TXNDC11: variants seen among roughly 807,000 people sequenced by gnomAD.
TXNDC11 encodes thioredoxin domain containing 11.
In TXNDC11, 68 loss-of-function variants were observed where a neutral mutation model predicts 78.0. That is an observed-to-expected ratio of 0.87 (90% CI 0.72 to 1.07). The LOEUF (loss-of-function observed/expected upper bound fraction) is 1.07, where lower values mean the gene tolerates loss of function less well. TXNDC11 is among the 50% of genes least tolerant of loss of function. The pLI, the probability that TXNDC11 is intolerant of heterozygous loss-of-function variation, is 0.00. For synonymous variants in TXNDC11, 571 were observed against 495.2 expected (o/e 1.15, Z -2.03); for missense variants, 1,389 against 1,221.8 (o/e 1.14, Z -2.04).
intron 5 of TXNDC11, among the ~76,000 whole-genome samples, chr16:11,718,058 C>G (rs1212166886): frequency 2.6e-5 from 4 of 152,078 alleles, no homozygotes; most frequent in Non-Finnish European, 4.4e-5. Flanking sequence ...TGACAAGTTG[C>G]GTTAAGTGGG....
chr16:11,727,687 C>T lies in TXNDC11; in HGVS notation c.699+2958G>A, dbSNP rs1288360633. Among the ~76,000 whole-genome samples the T allele has an allele frequency of 3.1e-5, 4 of 129,872 alleles. No homozygotes were observed. The South Asian group carries it at 8.1e-4, about 26-fold the overall frequency. 85.2% of individuals were successfully genotyped at this position (129,872 alleles called of 152,430 possible). ...GCCCCCCCCACCCCACCATAACCTT[C>T]CACCATTCTCTAGTCAAGGCACTGT... On this transcript the variant is annotated intron_variant, in intron 4 of 11. Coordinates refer to ENST00000283033, the MANE Select transcript of TXNDC11 (RefSeq NM_015914.7).
chr16:11,728,170 G>T (rs1170462115), intron 4 of TXNDC11, among the ~76,000 whole-genome samples: 1 of 152,168 alleles, frequency 6.6e-6, no homozygotes, highest in Non-Finnish European at 1.5e-5. Flanking sequence ...AACCATGACA[G>T]TGGTTTCATT....
At chr16:11,704,483 T>C (rs936553684) in intron 5 of TXNDC11, among the ~76,000 whole-genome samples, 2 of 152,168 alleles carry the variant, frequency 1.3e-5, no homozygotes, top group South Asian at 2.1e-4. Context: ...AAGGAAGAGA[T>C]AGTAACTTTT....
intron 5 of TXNDC11, among the ~76,000 whole-genome samples, chr16:11,700,812 A>G (rs2050992461): frequency 6.6e-6 from 1 of 152,204 alleles, no homozygotes; most frequent in Non-Finnish European, 1.5e-5. Flanking sequence ...TGTGCTGAGG[A>G]GTCCCCTGTG....
chr16:11,699,584 G>T (rs1186841723), intron 6 of TXNDC11, among the ~76,000 whole-genome samples: 2 of 152,256 alleles, frequency 1.3e-5, no homozygotes, highest in Non-Finnish European at 2.9e-5. Context: ...TAAACTGCAA[G>T]AAGTAAAGCA....
chr16:11,699,082 A>G (rs1235355163), intron 6 of TXNDC11, among the ~76,000 whole-genome samples: 1 of 152,242 alleles, frequency 6.6e-6, no homozygotes, highest in Non-Finnish European at 1.5e-5. Context: ...CTGAAAAATG[A>G]GATATTTAAA....
chr16:11,730,782 C>CA lies in TXNDC11; in HGVS notation c.570-9dup. 6.5e-7 allele frequency: 1 copy of CA among 1,527,014 alleles called. No homozygotes were observed. The highest frequency in any genetic ancestry group is 8.8e-7 in the Non-Finnish European group (1 of 1,134,954). 94.6% of individuals were successfully genotyped at this position (1,527,014 alleles called of 1,614,324 possible). ...TATTCGATTGGTCCAAAACTAGTACCAAAAAATAAAAATAAAAATAAAAAT... is the reference window on the plus strand; with the variant it reads ...TATTCGATTGGTCCAAAACTAGTACCAAAAAAATAAAAATAAAAATAAAAAT... On this transcript the variant is annotated splice_polypyrimidine_tract_variant and intron_variant, in intron 3 of 11. Coordinates refer to ENST00000283033, the MANE Select transcript of TXNDC11 (RefSeq NM_015914.7).
chr16:11,730,584 A>G, intron 4 of TXNDC11, 61 bp downstream of exon 4: 1 of 1,543,566 alleles, frequency 6.5e-7, no homozygotes, highest in Non-Finnish European at 8.8e-7. Flanking sequence ...TAAAACAAAC[A>G]ATCCAATACA....
Position 11,691,385 on chromosome 16 carries a change from G to C in TXNDC11, c.1805C>G (p.Ser602Cys). The part of the protein sequence containing the change: ...LYAERLGAPS[S>C]TQVKEFAAIV... Reference sequence around the variant, plus strand: ...TGCCGCAAATTCTTTCACCTGAGTGGAGCTCGGAGCACCCAGTCTCTCTGC... The same window carrying C: ...TGCCGCAAATTCTTTCACCTGAGTGCAGCTCGGAGCACCCAGTCTCTCTGC... Residue 602 changes from serine (S) to cysteine (C), a missense_variant, in exon 8 of 12, where the codon TCC (serine) becomes TGC (cysteine). Transcript: ENST00000283033. The C allele has an allele frequency of 1.2e-6, 2 of 1,614,160 alleles. No homozygotes were observed. The highest frequency in any genetic ancestry group is 3.3e-5 in the Admixed American group (2 of 60,028).
chr16:11,734,150 A>G (rs1454303122), intron 2 of TXNDC11, 71 bp from the exon 3 acceptor site: 13 of 1,025,218 alleles, frequency 1.3e-5, no homozygotes, highest in Admixed American at 2.5e-5. Flanking sequence ...TTAAAAGATG[A>G]AATTTAAAAA....
chr16:11,709,283 G>C (rs893330734), intron 5 of TXNDC11, among the ~76,000 whole-genome samples: 2 of 126,884 alleles, frequency 1.6e-5, no homozygotes, highest in Admixed American at 7.9e-5. Context: ...ACAGAGTCTC[G>C]CACTGTCGCC....
At chr16:11,690,322 G>C (rs770350262) in intron 8 of TXNDC11, among the ~76,000 whole-genome samples, 6 of 152,242 alleles carry the variant, frequency 3.9e-5, no homozygotes, top group Non-Finnish European at 8.8e-5. Context: ...AGCTCTGGGT[G>C]CTTTCTCATC....
At chr16:11,702,092 G>GTGTATA (rs150869552) in intron 5 of TXNDC11, among the ~76,000 whole-genome samples, 12 of 144,336 alleles carry the variant, frequency 8.3e-5, no homozygotes, top group African/African-American at 2.8e-4. Context: ...GTATGTATGT[G>GTGTATA]TATATATATA....
chr16:11,685,161 C>T (rs1255163007), intron 10 of TXNDC11, among the ~76,000 whole-genome samples: 4 of 152,224 alleles, frequency 2.6e-5, no homozygotes, highest in East Asian at 3.9e-4. Flanking sequence ...CCCAGGAGTT[C>T]GAGACTAGCC....
At chr16:11,741,428 C>A (rs1367360932) in intron 1 of TXNDC11, among the ~76,000 whole-genome samples, 4 of 152,192 alleles carry the variant, frequency 2.6e-5, no homozygotes, top group Admixed American at 2.6e-4. Flanking sequence ...TACACCCCAG[C>A]CTACTGTCAG....
rs143593061 is a variant in TXNDC11 at position 11,692,254 on chromosome 16, G to C, written c.1108-172C>G. ...AGTCGTAAGTTTTAAACTACATGTC[G>C]CTCTGAGTAGTGTGATGAAATTTTT... On this transcript the variant is annotated intron_variant, in intron 7 of 11. Coordinates refer to ENST00000283033, the MANE Select transcript of TXNDC11 (RefSeq NM_015914.7). The C allele has an allele frequency of 6.1e-4, 363 of 597,174 alleles. 3 individuals carry two copies. Among genetic ancestry groups the C allele is most frequent in the Non-Finnish European group, 1.4e-4 (49 of 348,398 alleles). The allele number at this position is 597,174 out of a possible 1,614,324, so 37.0% of individuals were successfully genotyped here.
At position 11,730,684 on chromosome 16, in the gene TXNDC11, T is replaced by C. The variant is rs765758441; in HGVS notation, c.660A>G (p.Pro220=). The stretch of plus-strand genomic sequence containing the variant: ...GAAAATCTAGTAATTCTGATTGAGA[T>C]GGGATGTAGAGAAGTGGTTTCATCA... ...RRVMKPLLYI[P]SQSELLDFLS... Residue 220 remains proline (P), a synonymous_variant, in exon 4 of 12, where the codon CCA becomes CCG. Coordinates refer to ENST00000283033, the MANE Select transcript of TXNDC11 (RefSeq NM_015914.7). The C allele has an allele frequency of 6.8e-6, 11 of 1,613,762 alleles. No homozygotes were observed. The South Asian group carries it at 7.7e-5, about 11-fold the overall frequency.
At chr16:11,691,006 A>C in intron 8 of TXNDC11, 1 of 435,390 alleles carries the variant, frequency 2.3e-6, no homozygotes, top group Non-Finnish European at 4.1e-6. Context: ...GTTCTACCTT[A>C]GACATGTGAC....
At chr16:11,740,163 A>C (rs988051703) in intron 1 of TXNDC11, among the ~76,000 whole-genome samples, 1 of 149,974 alleles carries the variant, frequency 6.7e-6, no homozygotes, top group Non-Finnish European at 1.5e-5. Context: ...AAAAAAAAAA[A>C]TCCTATTCTC....
Sources: gnomAD v4.1 joint callset for allele counts (sites outside exome capture counted in the v4.1 genomes callset) on GRCh38, gnomAD v4.1.1 for gene constraint, MANE v1.5 for transcripts, NCBI Gene and HGNC (gene_info 2026-07-23, HGNC 2026-07-21) for gene names.